The following GALP variants were observed in gnomAD, a reference collection of about 807,000 sequenced individuals.
GALP encodes galanin-like peptide.
In GALP, 12 loss-of-function variants were observed where a neutral mutation model predicts 15.2. That is an observed-to-expected ratio of 0.79 (90% CI 0.51 to 1.28). The LOEUF is 1.28. GALP is among the 50% of genes most tolerant of loss of function. GALP has a pLI of 0.00. For missense variants in GALP, 161 were observed against 145.6 expected (o/e 1.11, Z -0.55); for synonymous variants, 58 against 55.1 (o/e 1.05, Z -0.23).
intron 3 of GALP, among the ~76,000 whole-genome samples, chr19:56,180,893 TTC>T (rs1338372668): frequency 1.4e-4 from 11 of 79,820 alleles, no homozygotes; most frequent in African/African-American, 5.1e-4. Context: ...CTCTCACTCT[TTC>T]TTTCTTTCTT....
chr19:56,179,332 G>C (rs1303901176), intron 2 of GALP, among the ~76,000 whole-genome samples: 3 of 144,112 alleles, frequency 2.1e-5, no homozygotes, highest in Non-Finnish European at 3.0e-5. Flanking sequence ...TTTTGAGACG[G>C]AATTTCGCTC....
chr19:56,177,676 C>A (rs903501155), intron 2 of GALP, among the ~76,000 whole-genome samples: 2 of 152,078 alleles, frequency 1.3e-5, no homozygotes, highest in African/African-American at 4.8e-5. Context: ...CTTTGAAAAC[C>A]TTTGATCACA....
chr19:56,178,840 C>T (rs1224656574), intron 2 of GALP, among the ~76,000 whole-genome samples: 1 of 152,204 alleles, frequency 6.6e-6, no homozygotes, highest in Admixed American at 6.5e-5. Flanking sequence ...CACAGTGGAA[C>T]ACTCTGGCTT....
chr19:56,176,012 G>C lies in GALP; in HGVS notation c.-90G>C, dbSNP rs72490747. On this transcript the variant is annotated 5_prime_UTR_variant, in exon 1 of 6. Transcript: ENST00000357330. ...TCAGGGGGCGTGAAAGAGTCCAGGC[G>C]CTGGAGCGAGGAGCCAGAGAGAGCT... 5.8e-6 allele frequency: 1 copy of C among 172,366 alleles called. No individual in the cohort carries two copies. The highest frequency in any genetic ancestry group is 1.2e-5 in the Non-Finnish European group (1 of 81,448). 10.7% of individuals were successfully genotyped at this position (172,366 alleles called of 1,614,324 possible). A position where few individuals can be genotyped will look rare whatever the true frequency, so the allele number is the denominator to read the frequency against.
rs1019021325 is a variant in GALP at position 56,179,700 on chromosome 19, G to A, written c.88-886G>A. Reference sequence around the variant, plus strand: ...GCTCTGTCACCCAGGCTGGAGTGCAGGGATGAGATCATAGCTCACTGTAGC... The same window carrying A: ...GCTCTGTCACCCAGGCTGGAGTGCAAGGATGAGATCATAGCTCACTGTAGC... On this transcript the variant is annotated intron_variant, in intron 2 of 5. Transcript: ENST00000357330. Among the ~76,000 whole-genome samples the A allele has an allele frequency of 4.0e-5, 6 of 151,384 alleles. No individual in the cohort carries two copies. The Middle Eastern group carries it at 0.01, about 257-fold the overall frequency.
chr19:56,183,271 C>G (rs773785154), intron 5 of GALP, 59 bp downstream of exon 5: 1 of 1,363,466 alleles, frequency 7.3e-7, no homozygotes, highest in Admixed American at 1.7e-5. Flanking sequence ...AAGGAAGTGG[C>G]AGGCAGAGCT....
At chr19:56,181,812 T>A (rs1413286256) in intron 3 of GALP, among the ~76,000 whole-genome samples, 2 of 152,080 alleles carry the variant, frequency 1.3e-5, no homozygotes, top group Admixed American at 1.3e-4. Context: ...GAGCATTACA[T>A]CCATAAAATA....
intron 3 of GALP, among the ~76,000 whole-genome samples, chr19:56,181,756 A>G (rs2032571272): frequency 6.6e-6 from 1 of 152,110 alleles, no homozygotes; most frequent in Non-Finnish European, 1.5e-5. Context: ...CTCCAGTTGC[A>G]TCTTCCCTGG....
intron 2 of GALP, among the ~76,000 whole-genome samples, chr19:56,178,602 T>C (rs1317298740): frequency 6.6e-6 from 1 of 150,720 alleles, no homozygotes; most frequent in African/African-American, 2.4e-5. Context: ...CTCCAGGTTC[T>C]GGCTTGGTCT....
chr19:56,182,034 C>T (rs549898693), intron 3 of GALP, 138 bp from the exon 4 acceptor site: 120 of 667,838 alleles, frequency 1.8e-4, no homozygotes, highest in African/African-American at 8.8e-4. Flanking sequence ...TAGGTAGGGA[C>T]GGTCAACACG....
Position 56,185,512 on chromosome 19 carries a change from T to C in GALP, c.*242T>C. 1 of 364,598 alleles carries C rather than the reference T, an allele frequency of 2.7e-6. No homozygotes were observed. Among genetic ancestry groups the C allele is most frequent in the Non-Finnish European group, 4.9e-6 (1 of 205,106 alleles). 22.6% of individuals were successfully genotyped at this position (364,598 alleles called of 1,614,324 possible). A position where few individuals can be genotyped will look rare whatever the true frequency, so the allele number is the denominator to read the frequency against. ...AACCAATAGTAATTCGAGGACTAGT[T>C]GGGAGATTCTGGGGTAATCAGGGAA... On this transcript the variant is annotated 3_prime_UTR_variant, in exon 6 of 6. Coordinates refer to ENST00000357330, the MANE Select transcript of GALP (RefSeq NM_033106.4).
intron 2 of GALP, among the ~76,000 whole-genome samples, chr19:56,179,583 T>C (rs2032527046): frequency 6.6e-6 from 1 of 151,800 alleles, no homozygotes; most frequent in East Asian, 1.9e-4. Flanking sequence ...CAAGAGCCTC[T>C]TTCTAATGAA....
intron 2 of GALP, 127 bp from the exon 3 acceptor site, chr19:56,180,459 G>T (rs1041372995): frequency 1.3e-6 from 1 of 750,106 alleles, no homozygotes. Context: ...GGTGCAATGG[G>T]GATTGAAATG....
intron 5 of GALP, among the ~76,000 whole-genome samples, chr19:56,183,992 A>T (rs1439839717): frequency 6.7e-6 from 1 of 148,956 alleles, no homozygotes; most frequent in Non-Finnish European, 1.5e-5. Context: ...GTCCCTCTCT[A>T]TTGCCCAGGC....
intron 3 of GALP, among the ~76,000 whole-genome samples, chr19:56,181,913 G>C (rs1357255410): frequency 6.6e-6 from 1 of 152,176 alleles, no homozygotes; most frequent in Admixed American, 6.6e-5. Flanking sequence ...GGAGCAGAAA[G>C]AACGTGAGAT....
rs924716529 is a variant in GALP, at chr19:56,185,502, G to A, written c.*232G>A. 21 of 389,814 alleles carry A rather than the reference G, an allele frequency of 5.4e-5. No homozygotes were observed. The South Asian group carries it at 1.1e-3, about 21-fold the overall frequency. The allele number at this position is 389,814 out of a possible 1,614,324, so 24.1% of individuals were successfully genotyped here. On this transcript the variant is annotated 3_prime_UTR_variant, in exon 6 of 6. Transcript: ENST00000357330. ...CTATTAATGGAACCAATAGTAATTC[G>A]AGGACTAGTTGGGAGATTCTGGGGT...
chr19:56,177,733 G>A (rs1279325779), intron 2 of GALP, among the ~76,000 whole-genome samples: 2 of 152,066 alleles, frequency 1.3e-5, no homozygotes, highest in Non-Finnish European at 1.5e-5. Flanking sequence ...TTTGAAATCC[G>A]GGATCTGCGA....
At chr19:56,181,395 C>CTTTTTT (rs10656072) in intron 3 of GALP, among the ~76,000 whole-genome samples, 4 of 81,314 alleles carry the variant, frequency 4.9e-5, no homozygotes, top group Admixed American at 1.5e-4. Flanking sequence ...TCTCTCTCTC[C>CTTTTTT]TTTTTTTTTT....
rs753857728 is a variant in GALP at position 56,180,633 on chromosome 19, C to T, written c.135C>T (p.Pro45=). Residue 45 remains proline, a splice_region_variant and synonymous_variant, in exon 3 of 6, where the codon CCC becomes CCT. Transcript: ENST00000357330. ...TLNSAGYLLG[P]VLHLPQMGDQ... ...ATAGTGCTGGCTACCTTCTGGGTCCCGGTGAGTGAGGCTGCGCTCAGCTCT... is the reference window on the plus strand; with the variant it reads ...ATAGTGCTGGCTACCTTCTGGGTCCTGGTGAGTGAGGCTGCGCTCAGCTCT... 2.0e-5 allele frequency: 32 copies of T among 1,613,400 alleles called. 1 individual carries two copies. The highest frequency in any genetic ancestry group is 1.1e-4 in the South Asian group (10 of 91,066).
Sources: gnomAD v4.1 joint callset for allele counts (sites outside exome capture counted in the v4.1 genomes callset) on GRCh38, gnomAD v4.1.1 for gene constraint, MANE v1.5 for transcripts, NCBI Gene and HGNC (gene_info 2026-07-23, HGNC 2026-07-21) for gene names.